The following IL1RAPL1 variants were observed in gnomAD, a reference collection of about 807,000 sequenced individuals.
IL1RAPL1 encodes the protein interleukin 1 receptor accessory protein like 1, also known as interleukin-1 receptor accessory protein-like 1.
Under a neutral mutation model 48.4 loss-of-function variants are expected in IL1RAPL1, and 3 were observed. The observed-to-expected ratio is 0.06, with a 90% CI of 0.03 to 0.16. IL1RAPL1 has a LOEUF of 0.16. Ranked by LOEUF, IL1RAPL1 falls within the 10% of genes least tolerant of loss-of-function variation. The pLI, the probability that IL1RAPL1 is intolerant of heterozygous loss-of-function variation, is 1.00. For synonymous variants in IL1RAPL1, 185 were observed against 187.7 expected (o/e 0.99, Z 0.12); for missense variants, 349 against 530.6 (o/e 0.66, Z 3.36).
intron 3 of IL1RAPL1, among the ~76,000 whole-genome samples, chrX:29,321,550 ATGTG>A (rs1179064447): frequency 8.9e-6 from 1 of 111,876 alleles, no homozygotes. Flanking sequence ...ATGCAAATAT[ATGTG>A]TGTGTGTATG....
chrX:29,685,501 T>C lies in IL1RAPL1; in HGVS notation c.778+16997T>C, dbSNP rs189302588. Among the ~76,000 whole-genome samples, 134 of 110,899 alleles carry C rather than the reference T, an allele frequency of 1.2e-3. 1 individual carries two copies. Among genetic ancestry groups the C allele is most frequent in the Non-Finnish European group, 1.3e-3 (67 of 52,953 alleles). On this transcript the variant is annotated intron_variant, in intron 6 of 10. Transcript: ENST00000378993. Reference sequence around the variant, plus strand: ...CTGGGTGACAGAGCAAGCCTCCATATCAAAAAATAAATAAATCATGAACTT... The same window carrying C: ...CTGGGTGACAGAGCAAGCCTCCATACCAAAAAATAAATAAATCATGAACTT...
chrX:29,215,397 GTATAGA>G (rs1288307885), intron 2 of IL1RAPL1, among the ~76,000 whole-genome samples: 2 of 110,950 alleles, frequency 1.8e-5, no homozygotes, highest in African/African-American at 6.6e-5. Flanking sequence ...TCATAGATTG[GTATAGA>G]TATAAATTGT....
chrX:29,201,809 A>G (rs1186017853), intron 2 of IL1RAPL1, among the ~76,000 whole-genome samples: 1 of 110,036 alleles, frequency 9.1e-6, no homozygotes, highest in African/African-American at 3.3e-5. Context: ...CTCCTGCCTC[A>G]GCCTCCCGAG....
At chrX:29,684,058 C>T (rs1322008083) in intron 6 of IL1RAPL1, among the ~76,000 whole-genome samples, 1 of 112,023 alleles carries the variant, frequency 8.9e-6, no homozygotes, top group Non-Finnish European at 1.9e-5. Flanking sequence ...ATACCCTATT[C>T]TCCATGATGT....
chrX:28,786,524 C>T (rs898609658), intron 1 of IL1RAPL1, among the ~76,000 whole-genome samples: 1 of 111,983 alleles, frequency 8.9e-6, no homozygotes, highest in South Asian at 3.7e-4. Context: ...TTCAATGTGC[C>T]AGTGCTGTTC....
intron 6 of IL1RAPL1, among the ~76,000 whole-genome samples, chrX:29,853,834 T>C (rs1189121417): frequency 1.8e-5 from 2 of 111,933 alleles, no homozygotes; most frequent in African/African-American, 6.5e-5. Context: ...TCTGTCATTT[T>C]CTATTATATG....
rs779516989 is a variant in IL1RAPL1 at position 29,811,709 on chromosome X, T to C, written c.779-105755T>C. On this transcript the variant is annotated intron_variant, in intron 6 of 10. Transcript: ENST00000378993. Reference sequence around the variant, plus strand: ...ATGTTTCTGATCTTGATTATGATGATGGTTTAACAGCTGTATACCTATTTG... The same window carrying C: ...ATGTTTCTGATCTTGATTATGATGACGGTTTAACAGCTGTATACCTATTTG... 3.7e-4 allele frequency among the ~76,000 whole-genome samples: 41 copies of C among 111,840 alleles called. No homozygotes were observed. The South Asian group carries it at 0.013, about 37-fold the overall frequency.
chrX:29,165,267 G>A (rs765647673), intron 2 of IL1RAPL1, among the ~76,000 whole-genome samples: 15 of 111,484 alleles, frequency 1.3e-4, no homozygotes, highest in South Asian at 1.1e-3. Flanking sequence ...TGCAGTCAGC[G>A]GAGATCGCGC....
At chrX:29,412,430 A>T (rs1022306143) in intron 5 of IL1RAPL1, among the ~76,000 whole-genome samples, 3 of 112,259 alleles carry the variant, frequency 2.7e-5, no homozygotes, top group Non-Finnish European at 5.6e-5. Context: ...TATGTGCTAA[A>T]TATTTCAAAT....
chrX:29,568,102 C>T (rs1179254035), intron 5 of IL1RAPL1, among the ~76,000 whole-genome samples: 7 of 106,759 alleles, frequency 6.6e-5, no homozygotes, highest in African/African-American at 1.4e-4. Flanking sequence ...CTTGTGCTCC[C>T]GACCCACTAA....
intron 2 of IL1RAPL1, among the ~76,000 whole-genome samples, chrX:29,202,239 C>G (rs1010334858): frequency 6.3e-5 from 7 of 111,510 alleles, no homozygotes; most frequent in African/African-American, 2.3e-4. Context: ...GACAGACATA[C>G]AGCCAACAAT....
intron 6 of IL1RAPL1, among the ~76,000 whole-genome samples, chrX:29,688,840 T>G (rs1926703556): frequency 9.5e-6 from 1 of 105,778 alleles, no homozygotes. Context: ...ACTTGAAGAG[T>G]ATTCCCATTT....
chrX:29,172,468 G>T (rs1391092867), intron 2 of IL1RAPL1, among the ~76,000 whole-genome samples: 1 of 111,039 alleles, frequency 9.0e-6, no homozygotes, highest in Admixed American at 9.7e-5. Context: ...AATGTTTTGG[G>T]TTACATATAG....
intron 2 of IL1RAPL1, among the ~76,000 whole-genome samples, chrX:28,816,899 A>T (rs1479729556): frequency 9.1e-6 from 1 of 110,391 alleles, no homozygotes; most frequent in Non-Finnish European, 1.9e-5. Context: ...CAGTCTTGCC[A>T]CCATCCATTG....
chrX:29,128,384 C>G (rs1348080463), intron 2 of IL1RAPL1, among the ~76,000 whole-genome samples: 2 of 111,346 alleles, frequency 1.8e-5, no homozygotes, highest in African/African-American at 6.5e-5. Context: ...ACCAATACAC[C>G]TGAGTATTGA....
intron 1 of IL1RAPL1, among the ~76,000 whole-genome samples, chrX:28,689,735 A>G (rs913046050): frequency 8.9e-6 from 1 of 111,750 alleles, no homozygotes; most frequent in African/African-American, 3.3e-5. Flanking sequence ...CTTAATAACA[A>G]TCTTTATCAA....
chrX:28,698,281 GATAACAA>G (rs1935257567), intron 1 of IL1RAPL1, among the ~76,000 whole-genome samples: 1 of 111,131 alleles, frequency 9.0e-6, no homozygotes, highest in Non-Finnish European at 1.9e-5. Flanking sequence ...GCTGAAAACA[GATAACAA>G]ATTACTTGAG....
At chrX:29,327,254 GA>G (rs1278112526) in intron 3 of IL1RAPL1, among the ~76,000 whole-genome samples, 1 of 110,790 alleles carries the variant, frequency 9.0e-6, no homozygotes, top group East Asian at 2.8e-4. Flanking sequence ...AATAAAAAAA[GA>G]AATTCAATTT....
chrX:28,961,613 T>G lies in IL1RAPL1; in HGVS notation c.82+172188T>G, dbSNP rs571642406. ...GAACATACGGTGTTTGGTTTTCTGT[T>G]CCTGTATTAGTTTGCTGAGGATGAT... is the stretch of plus-strand genomic sequence containing the variant. On this transcript the variant is annotated intron_variant, in intron 2 of 10. Transcript: ENST00000378993. Among the ~76,000 whole-genome samples, 10 of 111,328 alleles carry G rather than the reference T, an allele frequency of 9.0e-5. No homozygotes were observed. The South Asian group carries it at 3.8e-3, about 43-fold the overall frequency.
Sources: allele counts gnomAD v4.1 joint callset (sites outside exome capture counted in the v4.1 genomes callset), GRCh38; gene constraint gnomAD v4.1.1; transcripts MANE v1.5; gene names NCBI Gene and HGNC (gene_info 2026-07-23, HGNC 2026-07-21).